PRSS16: variants seen among roughly 807,000 people sequenced by gnomAD.
PRSS16 encodes thymus-specific serine protease.
PRSS16 carries 43 observed loss-of-function variants against 61.7 expected under a neutral mutation model. That is an observed-to-expected ratio of 0.70 (90% CI 0.55 to 0.90). PRSS16 has a LOEUF of 0.90. PRSS16 is among the 40% of genes least tolerant of loss of function. The pLI, the probability that PRSS16 is intolerant of heterozygous loss-of-function variation, is 0.00. For missense variants in PRSS16, 591 were observed against 659.1 expected, an observed-to-expected ratio of 0.90 and a Z score of 1.13; for synonymous variants, 273 against 285.2, an observed-to-expected ratio of 0.96 and a Z score of 0.43.
At position 27,251,250 on chromosome 6, in the gene PRSS16, G is replaced by A. The variant is rs1388701710; in HGVS notation, c.703G>A (p.Gly235Ser). The A allele has an allele frequency of 4.4e-6, 7 of 1,608,440 alleles. No individual in the cohort carries two copies. In the Admixed American group the frequency reaches 1.0e-4, roughly 23 times the overall value. The change falls in exon 7 of 12, where the codon GGC becomes AGC. Residue 235 changes from glycine (G) to serine (S), a missense_variant. Transcript: ENST00000230582. This position sits in a 1 kb window ranked among gnomAD's most constrained non-coding sequence, Gnocchi z 5.6. ...VSRSLMSTAI[G>S]GSLECRAAVS... is the part of the protein sequence containing the mutation. ...CCGAAGCCTAATGAGCACCGCGATC[G>A]GCGGGTCCCTGGAGGTAGGAGGTGG...
chr6:27,251,117 G>A lies in PRSS16; in HGVS notation c.667G>A (p.Asp223Asn). Residue 223 changes from aspartate to asparagine, a missense_variant and splice_region_variant, in exon 6 of 12, where the codon GAC becomes AAC. Coordinates refer to ENST00000230582, the MANE Select transcript of PRSS16 (RefSeq NM_005865.4). This position sits in a 1 kb window ranked among gnomAD's most constrained non-coding sequence, Gnocchi z 5.6. ...RAVLDFSEYN[D>N]VVSRSLMSTA... The stretch of plus-strand genomic sequence containing the variant: ...CGTGCTGGATTTCTCCGAGTATAAT[G>A]ACGTAAGGATGGCGGGCAGCAGGTG... The A allele has an allele frequency of 6.2e-7, 1 of 1,614,128 alleles. No homozygotes were observed. The highest frequency in any genetic ancestry group is 1.3e-5 in the African/African-American group (1 of 75,064).
In PRSS16 at chr6:27,252,991, C is replaced by G; in HGVS notation, c.1150+42C>G. On this transcript the variant is annotated intron_variant, in intron 9 of 11. Coordinates refer to ENST00000230582, the MANE Select transcript of PRSS16 (RefSeq NM_005865.4). This position sits in a 1 kb window ranked among gnomAD's most constrained non-coding sequence, Gnocchi z 4.2. ...ACCCTAACTTTGTCCCCTCAAACAA[C>G]CTTTTTACTATGCCCAGAGAAGTCA... 1 of 1,613,526 alleles carries G rather than the reference C, an allele frequency of 6.2e-7. No individual in the cohort carries two copies. Among genetic ancestry groups the G allele is most frequent in the Non-Finnish European group, 8.5e-7 (1 of 1,179,550 alleles).
rs760393155 is a variant in PRSS16 at position 27,251,705 on chromosome 6, G to A, written c.718-45G>A. 4 of 1,554,294 alleles carry A rather than the reference G, an allele frequency of 2.6e-6. No homozygotes were observed. The highest frequency in any genetic ancestry group is 3.4e-6 in the Non-Finnish European group (4 of 1,162,108). ...GCAGGTCCTGGGTAGGGAAAGCCGA[G>A]GCCCAGCCTAAGTCTTGGCGGACAT... is the stretch of plus-strand genomic sequence containing the variant. On this transcript the variant is annotated intron_variant, in intron 7 of 11. Coordinates refer to ENST00000230582, the MANE Select transcript of PRSS16 (RefSeq NM_005865.4). This position sits in a 1 kb window ranked among gnomAD's most constrained non-coding sequence, Gnocchi z 5.6.
chr6:27,249,092 C>A lies in PRSS16; in HGVS notation c.338-8C>A. 1 of 846,178 alleles carries A rather than the reference C, an allele frequency of 1.2e-6. No individual in the cohort carries two copies. The highest frequency in any genetic ancestry group is 1.8e-6 in the Non-Finnish European group (1 of 565,544). The allele number at this position is 846,178 out of a possible 1,614,324, so 52.4% of individuals were successfully genotyped here. A position where few individuals can be genotyped will look rare whatever the true frequency, so the allele number is the denominator to read the frequency against. On this transcript the variant is annotated splice_polypyrimidine_tract_variant and splice_region_variant and intron_variant, in intron 3 of 11. Transcript: ENST00000230582. ...CCTCCCCACCCCCCACCCATACACT[C>A]TTCACAGGCCATCCCGCAGCCTTGG... is the stretch of plus-strand genomic sequence containing the variant.
rs73740276 is a variant in PRSS16 at position 27,250,078 on chromosome 6, C to T, written c.468-605C>T. ...GTCTGTTTGCCTGTCTCATTTTCTC[C>T]GTCTCTGTATCTACATCTGTGCCTC... On this transcript the variant is annotated intron_variant, in intron 4 of 11. Transcript: ENST00000230582. Among the ~76,000 whole-genome samples the T allele has an allele frequency of 8.3e-3, 1,263 of 152,254 alleles. 21 individuals carry two copies. The highest frequency in any genetic ancestry group is 0.029 in the African/African-American group (1,207 of 41,530).
rs1430121416 is a variant in PRSS16, at chr6:27,247,746, C to A, written c.9C>A (p.Val3=). 2 of 1,577,520 alleles carry A rather than the reference C, an allele frequency of 1.3e-6. No individual in the cohort carries two copies. The highest frequency in any genetic ancestry group is 1.7e-6 in the Non-Finnish European group (2 of 1,161,342). Residue 3 remains valine, a synonymous_variant, in exon 1 of 12, where the codon GTC becomes GTA. Coordinates refer to ENST00000230582, the MANE Select transcript of PRSS16 (RefSeq NM_005865.4). ...ACAGAGTCCCGAACACCATGGCCGT[C>A]TGGCTTGCCCAGTGGCTGGGCCCTC... MA[V]WLAQWLGPLL...
intron 9 of PRSS16, chr6:27,254,362 ATTTC>A (rs1759982973): frequency 4.1e-6 from 1 of 243,154 alleles, no homozygotes; most frequent in Non-Finnish European, 7.9e-6. Flanking sequence ...TGCACGTGCT[ATTTC>A]TTCTATTTAC....
At chr6:27,249,427 T>C (rs1391630947) in intron 4 of PRSS16, among the ~76,000 whole-genome samples, 198 bp downstream of exon 4, 1 of 152,140 alleles carries the variant, frequency 6.6e-6, no homozygotes, top group African/African-American at 2.4e-5. Flanking sequence ...CTATCTGTCT[T>C]TCTCTTATCC....
chr6:27,254,955 T>C, intron 10 of PRSS16, 31 bp from the exon 11 acceptor site: 1 of 1,612,338 alleles, frequency 6.2e-7, no homozygotes, highest in Non-Finnish European at 8.5e-7. Context: ...AGCACCCATC[T>C]ACCTAGCCCC....
chr6:27,248,092 C>T lies in PRSS16; in HGVS notation c.237+44C>T, dbSNP rs754547393. 281 of 1,573,386 alleles carry T rather than the reference C, an allele frequency of 1.8e-4. 1 individual carries two copies. The Middle Eastern group carries it at 2.2e-3, about 12-fold the overall frequency. ...GAGTCCACTAACCATCCTGCCCTCT[C>T]CTCAGTCTCCCTCATCTCTTCCTCA... On this transcript the variant is annotated intron_variant, in intron 2 of 11. Transcript: ENST00000230582.
Position 27,251,769 on chromosome 6 carries a change from T to C in PRSS16, c.737T>C (p.Val246Ala), listed in dbSNP as rs769853919. 7 of 1,606,196 alleles carry C rather than the reference T, an allele frequency of 4.4e-6. No individual in the cohort carries two copies. Among genetic ancestry groups the C allele is most frequent in the Non-Finnish European group, 5.1e-6 (6 of 1,178,494 alleles). ...GSLECRAAVSVAFAEVERRLR... is the reference protein window; with the variant it reads ...GSLECRAAVSAAFAEVERRLR... ...CCACAGTGCCGGGCGGCGGTGTCCG[T>C]CGCCTTCGCTGAAGTGGAGCGGCGG... Residue 246 changes from valine to alanine, a missense_variant, in exon 8 of 12, where the codon GTC becomes GCC. Coordinates refer to ENST00000230582, the MANE Select transcript of PRSS16 (RefSeq NM_005865.4). The surrounding 1 kb of genome is among the most constrained non-coding windows in gnomAD (Gnocchi z 5.6).
chr6:27,251,502 G>A lies in PRSS16; in HGVS notation c.717+238G>A. The A allele has an allele frequency of 1.4e-6, 1 of 732,686 alleles. No homozygotes were observed. Among genetic ancestry groups the A allele is most frequent in the East Asian group, 2.8e-5 (1 of 35,886 alleles). 45.4% of individuals were successfully genotyped at this position (732,686 alleles called of 1,614,324 possible). A position where few individuals can be genotyped will look rare whatever the true frequency, so the allele number is the denominator to read the frequency against. Reference sequence around the variant, plus strand: ...TGGGCAGGGACAATCCTATCCGGAGGTGAGGCTCAAGGTGGGGCGGGGCCA... The same window carrying A: ...TGGGCAGGGACAATCCTATCCGGAGATGAGGCTCAAGGTGGGGCGGGGCCA... On this transcript the variant is annotated intron_variant, in intron 7 of 11. Coordinates refer to ENST00000230582, the MANE Select transcript of PRSS16 (RefSeq NM_005865.4). This position sits in a 1 kb window ranked among gnomAD's most constrained non-coding sequence, Gnocchi z 5.6.
chr6:27,248,434 A>G (rs1171126956), intron 2 of PRSS16, among the ~76,000 whole-genome samples: 1 of 152,066 alleles, frequency 6.6e-6, no homozygotes, highest in African/African-American at 2.4e-5. Context: ...ACAGGCACTC[A>G]AAGATATCTA....
In PRSS16 at chr6:27,253,386, C is replaced by T. The variant is rs368455863; in HGVS notation, c.1150+437C>T. The T allele has an allele frequency of 2.2e-3, 830 of 372,200 alleles. 1 individual carries two copies. Among genetic ancestry groups the T allele is most frequent in the Admixed American group, 2.8e-3 (85 of 30,078 alleles). The allele number at this position is 372,200 out of a possible 1,614,324, so 23.1% of individuals were successfully genotyped here. A position where few individuals can be genotyped will look rare whatever the true frequency, so the allele number is the denominator to read the frequency against. On this transcript the variant is annotated intron_variant, in intron 9 of 11. Coordinates refer to ENST00000230582, the MANE Select transcript of PRSS16 (RefSeq NM_005865.4). ...CTACCTCTGCTGTCCTGCTGGGAAC[C>T]TCCATTCTTTCTTGCCGGGATCCCT...
At position 27,255,273 on chromosome 6, in the gene PRSS16, G is replaced by C; in HGVS notation, c.1503G>C (p.Trp501Cys). 6.2e-7 allele frequency: 1 copy of C among 1,612,666 alleles called. No homozygotes were observed. The highest frequency in any genetic ancestry group is 8.5e-7 in the Non-Finnish European group (1 of 1,179,248). Residue 501 changes from tryptophan to cysteine, a missense_variant, in exon 12 of 12, where the codon TGG becomes TGC. Physicochemically the swap from Trp to Cys is radical, Grantham distance 215. Transcript: ENST00000230582. The surrounding 1 kb of genome is among the most constrained non-coding windows in gnomAD (Gnocchi z 4.4). ...RQNIFQQLQTWLKLAKESQIK... is the reference protein window; with the variant it reads ...RQNIFQQLQTCLKLAKESQIK... ...ACATCTTCCAGCAGCTACAGACCTG[G>C]CTCAAGCTGGCAAAGGAGAGCCAGA... is the stretch of plus-strand genomic sequence containing the variant.
Position 27,251,654 on chromosome 6 carries a change from G to A in PRSS16, c.718-96G>A. The A allele has an allele frequency of 3.4e-6, 5 of 1,452,228 alleles. No homozygotes were observed. Among genetic ancestry groups the A allele is most frequent in the Non-Finnish European group, 4.5e-6 (5 of 1,102,554 alleles). The allele number at this position is 1,452,228 out of a possible 1,614,324, so 90.0% of individuals were successfully genotyped here. A position where few individuals can be genotyped will look rare whatever the true frequency, so the allele number is the denominator to read the frequency against. On this transcript the variant is annotated intron_variant, in intron 7 of 11. Transcript: ENST00000230582. This position sits in a 1 kb window ranked among gnomAD's most constrained non-coding sequence, Gnocchi z 5.6. ...GTCTGCACCCTCTGAGTCCCGCTAG[G>A]GGAAAGTGGGGAACCCAAGGAGGAC...
chr6:27,252,028 T>G lies in PRSS16; in HGVS notation c.996T>G (p.Arg332=). 1 of 1,539,534 alleles carries G rather than the reference T, an allele frequency of 6.5e-7. No homozygotes were observed. The highest frequency in any genetic ancestry group is 8.7e-7 in the Non-Finnish European group (1 of 1,146,766). ...RSHSTPYCGL[R]RAVQIVLHSL... is the part of the protein sequence containing the mutation. ...ACTCCACGCCCTACTGCGGGCTTCG[T>G]CGGGCGGTGCAGGTGAGCACTCCCT... is the stretch of plus-strand genomic sequence containing the variant. The change falls in exon 8 of 12, where the codon CGT becomes CGG. Residue 332 remains arginine (R), a synonymous_variant. Coordinates refer to ENST00000230582, the MANE Select transcript of PRSS16 (RefSeq NM_005865.4). This position sits in a 1 kb window ranked among gnomAD's most constrained non-coding sequence, Gnocchi z 4.2.
At position 27,251,838 on chromosome 6, in the gene PRSS16, T is replaced by G. The variant is rs781406462; in HGVS notation, c.806T>G (p.Leu269Arg). Reference protein sequence around the residue: ...GAAQAALRTELSACGPLGRAE... With the variant: ...GAAQAALRTERSACGPLGRAE... Reference sequence around the variant, plus strand: ...GCTCAAGCAGCATTGCGGACGGAGCTGAGCGCTTGCGGGCCCCTGGGCCGC... The same window carrying G: ...GCTCAAGCAGCATTGCGGACGGAGCGGAGCGCTTGCGGGCCCCTGGGCCGC... The change falls in exon 8 of 12, where the codon CTG becomes CGG. Residue 269 changes from leucine to arginine, a missense_variant. Transcript: ENST00000230582. The surrounding 1 kb of genome is among the most constrained non-coding windows in gnomAD (Gnocchi z 5.6). 2 of 1,612,770 alleles carry G rather than the reference T, an allele frequency of 1.2e-6. No homozygotes were observed. The highest frequency in any genetic ancestry group is 1.7e-6 in the Non-Finnish European group (2 of 1,179,732).
chr6:27,251,490 T>C lies in PRSS16; in HGVS notation c.717+226T>C, dbSNP rs1759896792. The C allele has an allele frequency of 1.4e-6, 1 of 733,646 alleles. No homozygotes were observed. Among genetic ancestry groups the C allele is most frequent in the Non-Finnish European group, 2.1e-6 (1 of 467,772 alleles). 45.4% of individuals were successfully genotyped at this position (733,646 alleles called of 1,614,324 possible). A position where few individuals can be genotyped will look rare whatever the true frequency, so the allele number is the denominator to read the frequency against. On this transcript the variant is annotated intron_variant, in intron 7 of 11. Coordinates refer to ENST00000230582, the MANE Select transcript of PRSS16 (RefSeq NM_005865.4). This position sits in a 1 kb window ranked among gnomAD's most constrained non-coding sequence, Gnocchi z 5.6. ...GAGGGCGGGGTTTGGGCAGGGACAA[T>C]CCTATCCGGAGGTGAGGCTCAAGGT... is the stretch of plus-strand genomic sequence containing the variant.
Sources: allele counts gnomAD v4.1 joint callset (sites outside exome capture counted in the v4.1 genomes callset), GRCh38; gene constraint gnomAD v4.1.1; non-coding constraint Gnocchi (gnomAD v3.1); transcripts MANE v1.5; gene names NCBI Gene and HGNC (gene_info 2026-07-23, HGNC 2026-07-21).